The following TNNI3K variants were observed in gnomAD, a reference collection of about 807,000 sequenced individuals.
The protein encoded by TNNI3K is serine/threonine-protein kinase TNNI3K.
Under a neutral mutation model 114.5 loss-of-function variants are expected in TNNI3K, and 140 were observed. That is an observed-to-expected ratio of 1.22 (90% confidence interval 1.07 to 1.41). The LOEUF is 1.41. Ranked by LOEUF, TNNI3K falls within the 40% of genes most tolerant of loss-of-function variation. The pLI, the probability that TNNI3K is intolerant of heterozygous loss-of-function variation, is 0.00. For missense variants in TNNI3K, 1,125 were observed against 1,007.6 expected (o/e 1.12, Z -1.58); for synonymous variants, 347 against 347.5 (o/e 1.00, Z 0.02).
At chr1:74,464,521 A>G in intron 21 of TNNI3K, 2 of 1,419,918 alleles carry the variant, frequency 1.4e-6, no homozygotes, top group Non-Finnish European at 1.8e-6. Flanking sequence ...GCTCTTCAAC[A>G]AGAGAATAAA....
chr1:74,354,224 G>C, intron 11 of TNNI3K, 95 bp downstream of exon 11: 1 of 1,551,504 alleles, frequency 6.4e-7, no homozygotes, highest in Non-Finnish European at 8.7e-7. Context: ...TGCATGACTT[G>C]AACACTCTCA....
intron 24 of TNNI3K, among the ~76,000 whole-genome samples, chr1:74,542,211 C>T (rs1219989616): frequency 6.6e-6 from 1 of 152,208 alleles, no homozygotes; most frequent in Non-Finnish European, 1.5e-5. Context: ...AGCCCACCCA[C>T]CCTTTGGGGA....
chr1:74,432,470 G>A (rs1665944157), intron 17 of TNNI3K, among the ~76,000 whole-genome samples: 1 of 152,022 alleles, frequency 6.6e-6, no homozygotes, highest in Non-Finnish European at 1.5e-5. Context: ...CCTGATGATT[G>A]TCTCCCTGGT....
At position 74,331,543 on chromosome 1, in the gene TNNI3K, G is replaced by A; in HGVS notation, c.538G>A (p.Glu180Lys). Residue 180 changes from glutamate to lysine, a missense_variant, in exon 6 of 25, where the codon GAA becomes AAA. Coordinates refer to ENST00000326637, the MANE Select transcript of TNNI3K (RefSeq NM_015978.3). Reference protein sequence around the residue: ...PLHIAAYYGHEQVTRLLLKFG... With the variant: ...PLHIAAYYGHKQVTRLLLKFG... ...GCATATTGCAGCGTACTATGGACAT[G>A]AACAGGTAAGTCTGACAGTAGGATT... 1.2e-6 allele frequency: 2 copies of A among 1,610,110 alleles called. No homozygotes were observed. Among genetic ancestry groups the A allele is most frequent in the Non-Finnish European group, 1.7e-6 (2 of 1,177,556 alleles).
At chr1:74,379,168 G>A (rs1310484416) in intron 17 of TNNI3K, among the ~76,000 whole-genome samples, 1 of 151,782 alleles carries the variant, frequency 6.6e-6, no homozygotes, top group Non-Finnish European at 1.5e-5. Context: ...ATCAAAATGT[G>A]GTCCAAGAAG....
chr1:74,411,874 G>A (rs1664897000), intron 17 of TNNI3K, among the ~76,000 whole-genome samples: 1 of 152,152 alleles, frequency 6.6e-6, no homozygotes, highest in South Asian at 2.1e-4. Flanking sequence ...ACATAGCTAT[G>A]TAGACATGGG....
At chr1:74,330,125 T>C (rs151311326) in intron 5 of TNNI3K, among the ~76,000 whole-genome samples, 2 of 152,076 alleles carry the variant, frequency 1.3e-5, no homozygotes, top group African/African-American at 4.8e-5. Flanking sequence ...GAGAAGAAAT[T>C]GGAAATATTA....
intron 5 of TNNI3K, among the ~76,000 whole-genome samples, chr1:74,287,953 G>C (rs1031718271): frequency 1.3e-5 from 2 of 151,976 alleles, no homozygotes; most frequent in Non-Finnish European, 2.9e-5. Flanking sequence ...CTCAAAAATA[G>C]GAAATACAAA....
chr1:74,328,691 G>A (rs1660041873), intron 5 of TNNI3K, among the ~76,000 whole-genome samples: 1 of 152,052 alleles, frequency 6.6e-6, no homozygotes, highest in African/African-American at 2.4e-5. Context: ...TCAGCCAAAT[G>A]TTGACCTTCT....
chr1:74,407,668 G>A (rs1372139083), intron 17 of TNNI3K, among the ~76,000 whole-genome samples: 1 of 152,038 alleles, frequency 6.6e-6, no homozygotes, highest in Non-Finnish European at 1.5e-5. Context: ...CCTGACAGCT[G>A]CTGATCTTAT....
chr1:74,502,601 T>A (rs536464959), intron 23 of TNNI3K, among the ~76,000 whole-genome samples: 7 of 152,308 alleles, frequency 4.6e-5, no homozygotes, highest in Admixed American at 3.3e-4. Context: ...AGCAGGGAGC[T>A]ATCCAGAGTA....
chr1:74,537,849 C>A (rs776075908), intron 23 of TNNI3K, among the ~76,000 whole-genome samples: 6 of 152,110 alleles, frequency 3.9e-5, no homozygotes, highest in Non-Finnish European at 7.4e-5. Context: ...TGAGTTGGAC[C>A]TTTATTGAGT....
intron 21 of TNNI3K, among the ~76,000 whole-genome samples, chr1:74,472,598 T>G (rs1005892655): frequency 2.6e-5 from 4 of 152,094 alleles, no homozygotes; most frequent in South Asian, 4.1e-4. Flanking sequence ...AGAACATGGG[T>G]GCAATATTGA....
chr1:74,515,991 G>C (rs911523102), intron 23 of TNNI3K, among the ~76,000 whole-genome samples: 4 of 152,196 alleles, frequency 2.6e-5, no homozygotes, highest in African/African-American at 9.7e-5. Flanking sequence ...AATGTAAATG[G>C]AGAGAGTAGT....
chr1:74,391,623 T>G (rs1298928605), intron 17 of TNNI3K, among the ~76,000 whole-genome samples: 1 of 152,156 alleles, frequency 6.6e-6, no homozygotes, highest in Non-Finnish European at 1.5e-5. Flanking sequence ...GAAATGCAAA[T>G]CTAAGCTCAG....
chr1:74,289,117 T>C (rs1342502016), intron 5 of TNNI3K, among the ~76,000 whole-genome samples: 8 of 151,872 alleles, frequency 5.3e-5, no homozygotes, highest in Admixed American at 1.3e-4. Flanking sequence ...TATATAAATA[T>C]CCAAAGAAGC....
At chr1:74,438,274 ACT>A (rs1329374220) in intron 19 of TNNI3K, among the ~76,000 whole-genome samples, 1 of 151,798 alleles carries the variant, frequency 6.6e-6, no homozygotes, top group Non-Finnish European at 1.5e-5. Flanking sequence ...AAAAATGTAG[ACT>A]CTTTGGAATG....
intron 17 of TNNI3K, among the ~76,000 whole-genome samples, chr1:74,426,971 C>A (rs1337076875): frequency 6.6e-6 from 1 of 151,990 alleles, no homozygotes; most frequent in African/African-American, 2.4e-5. Context: ...CATTAGGTGG[C>A]CTTGGGAGGA....
At chr1:74,301,912 A>T (rs754457620) in intron 5 of TNNI3K, among the ~76,000 whole-genome samples, 5 of 152,192 alleles carry the variant, frequency 3.3e-5, no homozygotes, top group Non-Finnish European at 7.4e-5. Context: ...TGTGGAGGAG[A>T]GCCAACATGC....
Sources: gnomAD v4.1 joint callset for allele counts (sites outside exome capture counted in the v4.1 genomes callset) on GRCh38, gnomAD v4.1.1 for gene constraint, MANE v1.5 for transcripts, NCBI Gene and HGNC (gene_info 2026-07-23, HGNC 2026-07-21) for gene names.